Variants in ZFYVE16 observed in about 807,000 individuals in gnomAD.
ZFYVE16 encodes the protein zinc finger FYVE domain-containing protein 16.
Under a neutral mutation model 138.1 loss-of-function variants are expected in ZFYVE16, and 89 were observed. That is an observed-to-expected ratio of 0.64 (90% CI 0.54 to 0.77). The LOEUF (loss-of-function observed/expected upper bound fraction) is 0.77. ZFYVE16 is among the 30% of genes least tolerant of loss of function. The probability of loss-of-function intolerance (pLI) is 0.00; values close to 1 mark genes in which losing one functional copy is unlikely to be tolerated. For missense variants in ZFYVE16, 1,793 were observed against 1,786.7 expected, an observed-to-expected ratio of 1.00 and a Z score of -0.06; for synonymous variants, 596 against 618.3, an observed-to-expected ratio of 0.96 and a Z score of 0.53.
At chr5:80,443,610 T>C (rs1048286111) in intron 6 of ZFYVE16, among the ~76,000 whole-genome samples, 1 of 152,146 alleles carries the variant, frequency 6.6e-6, no homozygotes, top group African/African-American at 2.4e-5. Flanking sequence ...CACAGCACCA[T>C]GAAGAGGCCT....
chr5:80,482,279 CAA>C lies in ZFYVE16; in HGVS notation c.*4905_*4906del, dbSNP rs1289940208. On this transcript the variant is annotated 3_prime_UTR_variant, in exon 19 of 19. Transcript: ENST00000505560. ...AATTGTAGAACTGAAAATACAATAA[CAA>C]AATTTACTGGAAGGTCTCAACACAA... 1 of 152,028 alleles carries C rather than the reference CAA, an allele frequency of 6.6e-6. No homozygotes were observed. The highest frequency in any genetic ancestry group is 1.5e-5 in the Non-Finnish European group (1 of 68,006). The allele number at this position is 152,028 out of a possible 1,614,324, so 9.4% of individuals were successfully genotyped here.
chr5:80,433,465 A>T (rs1749406308), intron 2 of ZFYVE16, among the ~76,000 whole-genome samples: 1 of 152,164 alleles, frequency 6.6e-6, no homozygotes, highest in African/African-American at 2.4e-5. Context: ...GAGGGATAGC[A>T]TTAGGAGATA....
At chr5:80,474,110 AAT>A (rs752384020) in intron 17 of ZFYVE16, among the ~76,000 whole-genome samples, 1 of 152,228 alleles carries the variant, frequency 6.6e-6, no homozygotes, top group Non-Finnish European at 1.5e-5. Flanking sequence ...TTTGTACTGT[AAT>A]ATGTTACTTG....
In ZFYVE16 at chr5:80,426,189, A is replaced by ATG. The variant is rs71601586; in HGVS notation, c.-93-1292_-93-1291dup. On this transcript the variant is annotated intron_variant, in intron 1 of 18. Coordinates refer to ENST00000505560, the MANE Select transcript of ZFYVE16 (RefSeq NM_001284236.3). Reference sequence around the variant, plus strand: ...CCCGGATTGAGATATATATATATATATGTGTGTGTGTGGTGTGTGTGTGTG... The same window carrying ATG: ...CCCGGATTGAGATATATATATATATATGTGTGTGTGTGTGGTGTGTGTGTGTG... Among the ~76,000 whole-genome samples, 141 of 145,316 alleles carry ATG rather than the reference A, an allele frequency of 9.7e-4. 1 individual carries two copies. The highest frequency in any genetic ancestry group is 3.5e-3 in the African/African-American group (136 of 38,806).
At chr5:80,417,032 A>T (rs1401477496) in intron 1 of ZFYVE16, among the ~76,000 whole-genome samples, 2 of 152,204 alleles carry the variant, frequency 1.3e-5, no homozygotes, top group Non-Finnish European at 2.9e-5. Flanking sequence ...ATCCATTACC[A>T]TATAGATTAT....
rs1750287237 is a variant in ZFYVE16, at chr5:80,438,651, C to T, written c.1966C>T (p.Pro656Ser). 1.2e-6 allele frequency: 2 copies of T among 1,614,022 alleles called. No homozygotes were observed. Among genetic ancestry groups the T allele is most frequent in the Non-Finnish European group, 1.7e-6 (2 of 1,179,974 alleles). Residue 656 changes from proline (P) to serine (S), a missense_variant, in exon 4 of 19, where the codon CCA (proline) becomes TCA (serine). Physicochemically the swap from Pro to Ser is moderately conservative, Grantham distance 74. This residue lies in a region of ZFYVE16 where 1,295 missense variants were observed against 1,204.3 expected (regional missense o/e 1.08). Coordinates refer to ENST00000505560, the MANE Select transcript of ZFYVE16 (RefSeq NM_001284236.3). ...GARPKQLFSL[P>S]SRTRSSKDLN... ...CAGACCTAAGCAATTGTTTAGCCTT[C>T]CATCAAGAACAAGGAGTTCAAAGGA...
In ZFYVE16 at chr5:80,430,212, A is replaced by C. The variant is rs1460593231; in HGVS notation, c.-40+2667A>C. Reference sequence around the variant, plus strand: ...AAGTAAAGCACTCCTCAGCAAATGTAAAAGAACAGAAATTATAACAAACTG... The same window carrying C: ...AAGTAAAGCACTCCTCAGCAAATGTCAAAGAACAGAAATTATAACAAACTG... On this transcript the variant is annotated intron_variant, in intron 2 of 18. Coordinates refer to ENST00000505560, the MANE Select transcript of ZFYVE16 (RefSeq NM_001284236.3). Among the ~76,000 whole-genome samples the C allele has an allele frequency of 2.0e-5, 3 of 152,326 alleles. No individual in the cohort carries two copies. The South Asian group carries it at 6.2e-4, about 32-fold the overall frequency.
chr5:80,475,303 C>T (rs540254214), intron 18 of ZFYVE16, among the ~76,000 whole-genome samples: 20 of 152,272 alleles, frequency 1.3e-4, no homozygotes, highest in African/African-American at 4.1e-4. Flanking sequence ...AGTCTAAAAG[C>T]GTATATATAA....
rs770378410 is a variant in ZFYVE16 at position 80,434,205 on chromosome 5, G to T, written c.58G>T (p.Glu20Ter). 1 of 1,613,264 alleles carries T rather than the reference G, an allele frequency of 6.2e-7. No homozygotes were observed. Among genetic ancestry groups the T allele is most frequent in the Non-Finnish European group, 8.5e-7 (1 of 1,179,516 alleles). Residue 20 changes from glutamate (E) to a stop codon, truncating the protein, a stop_gained, in exon 3 of 19, where the codon GAA becomes TAA. Coordinates refer to ENST00000505560, the MANE Select transcript of ZFYVE16 (RefSeq NM_001284236.3). LOFTEE classifies it high-confidence loss of function. ...SDLDKLLDDF[E>*]QNPDEQDYLQ... The stretch of plus-strand genomic sequence containing the variant: ...CTTGGACAAACTCCTTGATGATTTT[G>T]AACAGAACCCAGGTTTGTTGATTTT...
intron 14 of ZFYVE16, among the ~76,000 whole-genome samples, chr5:80,459,158 C>T (rs1009582074): frequency 2.0e-5 from 3 of 152,188 alleles, no homozygotes; most frequent in African/African-American, 7.2e-5. Context: ...AAACTCTTGA[C>T]CTCAGGTGAT....
In ZFYVE16 at chr5:80,480,802, TCCCAGCTTCAC is replaced by T. The variant is rs1755240140; in HGVS notation, c.*3426_*3436del. On this transcript the variant is annotated 3_prime_UTR_variant, in exon 19 of 19. Transcript: ENST00000505560. ...CAGGTGTGGTGGCTCATACTTGTGG[TCCCAGCTTCAC>T]GGGGGCTGAGGTGGGAGGATCACTT... Among the ~76,000 whole-genome samples the T allele has an allele frequency of 4.0e-5, 6 of 151,898 alleles. No homozygotes were observed. Among genetic ancestry groups the T allele is most frequent in the African/African-American group, 1.5e-4 (6 of 41,330 alleles).
chr5:80,453,779 C>T (rs952216750), intron 11 of ZFYVE16, among the ~76,000 whole-genome samples: 1 of 151,918 alleles, frequency 6.6e-6, no homozygotes, highest in African/African-American at 2.4e-5. Context: ...AGTTAAAGTC[C>T]CAAGAATAAA....
At chr5:80,467,185 C>T (rs1224055047) in intron 15 of ZFYVE16, among the ~76,000 whole-genome samples, 1 of 152,212 alleles carries the variant, frequency 6.6e-6, no homozygotes, top group African/African-American at 2.4e-5. Flanking sequence ...TTTAACCAGC[C>T]TCTAGCTATG....
chr5:80,412,123 T>C (rs1258794701), intron 1 of ZFYVE16, among the ~76,000 whole-genome samples: 1 of 152,100 alleles, frequency 6.6e-6, no homozygotes, highest in African/African-American at 2.4e-5. Context: ...TGTATTTCCT[T>C]TTTTTCTCCA....
At chr5:80,447,582 G>A (rs1439591279) in intron 7 of ZFYVE16, among the ~76,000 whole-genome samples, 1 of 152,110 alleles carries the variant, frequency 6.6e-6, no homozygotes, top group African/African-American at 2.4e-5. Flanking sequence ...TACTCTTGTG[G>A]AATATAGCTA....
At chr5:80,432,628 C>G (rs1384387191) in intron 2 of ZFYVE16, among the ~76,000 whole-genome samples, 4 of 152,162 alleles carry the variant, frequency 2.6e-5, no homozygotes, top group Admixed American at 2.6e-4. Context: ...GCAAAAGAAA[C>G]TACCATCAGA....
intron 5 of ZFYVE16, chr5:80,440,555 T>C: frequency 1.3e-5 from 13 of 985,330 alleles, no homozygotes; most frequent in Non-Finnish European, 1.4e-5. Context: ...TTTTCTTTTC[T>C]CAACTTTAGA....
At chr5:80,419,956 T>C (rs547132064) in intron 1 of ZFYVE16, among the ~76,000 whole-genome samples, 1,490 of 145,084 alleles carry the variant, frequency 0.01, 17 homozygotes, top group Non-Finnish European at 0.018. Context: ...GGATTACAGG[T>C]ACACTCCACC....
At chr5:80,452,688 A>G (rs1292150449) in intron 11 of ZFYVE16, among the ~76,000 whole-genome samples, 1 of 152,180 alleles carries the variant, frequency 6.6e-6, no homozygotes, top group Non-Finnish European at 1.5e-5. Context: ...GTTACTCACT[A>G]TAATTAAAAG....
Sources: gnomAD v4.1 joint callset for allele counts (sites outside exome capture counted in the v4.1 genomes callset) on GRCh38, gnomAD v4.1.1 for gene constraint, gnomAD v4.1.1 regional missense constraint, MANE v1.5 for transcripts, NCBI Gene and HGNC (gene_info 2026-07-23, HGNC 2026-07-21) for gene names.